Variants in GLA observed in about 807,000 individuals in gnomAD.
GLA encodes alpha-galactosidase A.
Under a neutral mutation model 28.2 loss-of-function variants are expected in GLA, and 4 were observed. That is an observed-to-expected ratio of 0.14 (90% CI 0.07 to 0.32). The LOEUF (loss-of-function observed/expected upper bound fraction) is 0.32. Among genes scored for constraint, GLA ranks in the 10% least tolerant of loss-of-function variants. The pLI is 1.00. For synonymous variants in GLA, 94 were observed against 113.0 expected (o/e 0.83, Z 1.07); for missense variants, 203 against 323.7 (o/e 0.63, Z 2.86).
chrX:101,397,820 CTT>C lies in GLA; in HGVS notation c.1277_1278del (p.Lys426ArgfsTer?), dbSNP rs869312249. ...ATAAAATAAACATTTTAAAGTAAGT[CTT>C]TTAATGACATCTGCATTGTATTTTC... The part of the protein sequence containing the change: ...QLENTMQMSL[K>X]DLL On this transcript the variant is annotated frameshift_variant, in exon 7 of 7. Transcript: ENST00000218516. LOFTEE classifies it high-confidence loss of function. 1 of 1,200,308 alleles carries C rather than the reference CTT, an allele frequency of 8.3e-7. No homozygotes were observed. Among genetic ancestry groups the C allele is most frequent in the Non-Finnish European group, 1.1e-6 (1 of 884,884 alleles).
chrX:101,401,941 A>AAG, intron 2 of GLA, 132 bp from the exon 3 acceptor site: 1 of 595,212 alleles, frequency 1.7e-6, no homozygotes, highest in Non-Finnish European at 2.9e-6. Context: ...TTCCCCACAA[A>AAG]CCCCCAAAAT....
intron 4 of GLA, 74 bp from the exon 5 acceptor site, chrX:101,399,020 G>A (rs1014176420): frequency 1.1e-6 from 1 of 897,673 alleles, no homozygotes; most frequent in African/African-American, 2.0e-5. Flanking sequence ...TTTAAAGGAG[G>A]CACTTGTAGC....
intron 1 of GLA, among the ~76,000 whole-genome samples, chrX:101,405,332 G>C (rs1344109519): frequency 9.0e-6 from 1 of 110,554 alleles, no homozygotes; most frequent in Non-Finnish European, 1.9e-5. Flanking sequence ...ATTAAACAAA[G>C]TTTCGAAAGA....
intron 1 of GLA, among the ~76,000 whole-genome samples, chrX:101,406,040 TAAAA>T (rs34454314): frequency 2.3e-5 from 1 of 42,557 alleles, no homozygotes; most frequent in Non-Finnish European, 4.2e-5. Flanking sequence ...CCGTCTGTAC[TAAAA>T]AAAAAAAAAA....
chrX:101,401,896 A>C, intron 2 of GLA, 87 bp from the exon 3 acceptor site: 1 of 887,973 alleles, frequency 1.1e-6, no homozygotes. Context: ...GGCTGGGGGA[A>C]GAGACAAGGT....
chrX:101,399,422 A>G lies in GLA; in HGVS notation c.640-476T>C, dbSNP rs372322396. On this transcript the variant is annotated intron_variant, in intron 4 of 6. Coordinates refer to ENST00000218516, the MANE Select transcript of GLA (RefSeq NM_000169.3). The stretch of plus-strand genomic sequence containing the variant: ...TCTACTAAAAATACAAAAATTAGCC[A>G]GATGTGGTAGCGCACGCCTATAATC... Among the ~76,000 whole-genome samples, 22 of 111,932 alleles carry G rather than the reference A, an allele frequency of 2.0e-4. No individual in the cohort carries two copies. In the East Asian group the frequency reaches 3.9e-3, roughly 20 times the overall value.
chrX:101,398,385 C>T lies in GLA; in HGVS notation c.984G>A (p.Gly328=), dbSNP rs376623208. The T allele has an allele frequency of 8.3e-7, 1 of 1,203,789 alleles. No individual in the cohort carries two copies. The highest frequency in any genetic ancestry group is 3.0e-5 in the East Asian group (1 of 33,812). The change falls in exon 6 of 7, where the codon GGG becomes GGA. Residue 328 remains glycine, a synonymous_variant. Coordinates refer to ENST00000218516, the MANE Select transcript of GLA (RefSeq NM_000169.3). ...TCTTATTTACCTGTCTAAGCTGGTA[C>T]CCTTGCTTGCCCAAGGGGTCCTGAT... The part of the protein sequence containing the change: ...AINQDPLGKQ[G]YQLRQGDNFE...
At position 101,399,002 on chromosome X, in the gene GLA, G is replaced by T. The variant is rs1603039431; in HGVS notation, c.640-56C>A. The T allele has an allele frequency of 2.4e-5, 25 of 1,062,234 alleles. No individual in the cohort carries two copies. In the East Asian group the frequency reaches 7.5e-4, roughly 32 times the overall value. 87.5% of individuals were successfully genotyped at this position (1,062,234 alleles called of 1,213,427 possible). A position where few individuals can be genotyped will look rare whatever the true frequency, so the allele number is the denominator to read the frequency against. On this transcript the variant is annotated intron_variant, in intron 4 of 6. Transcript: ENST00000218516. ...CTTTCTACTAACATCCTTGTGAGATGAAAACAGTTTAAAGGAGGCACTTGT... is the reference window on the plus strand; with the variant it reads ...CTTTCTACTAACATCCTTGTGAGATTAAAACAGTTTAAAGGAGGCACTTGT...
At chrX:101,401,413 C>T (rs1928309803) in intron 3 of GLA, 5 of 448,931 alleles carry the variant, frequency 1.1e-5, no homozygotes, top group African/African-American at 7.4e-5. Flanking sequence ...ATTATAAGTG[C>T]ACAATATTAG....
At chrX:101,401,276 G>A (rs189961678) in intron 3 of GLA, 10 of 277,539 alleles carry the variant, frequency 3.6e-5, no homozygotes, top group African/African-American at 2.2e-4. Flanking sequence ...GTGCAGAGAT[G>A]GTGTGTATAT....
chrX:101,398,799 T>A lies in GLA; in HGVS notation c.787A>T (p.Asn263Tyr). ...IVDVAGPGGW[N>Y]DPDMLVIGNF... ...CAAGTTTTTACCATATCTGGGTCAT[T>A]CCAACCCCCTGGTCCAGCAACATCA... The change falls in exon 5 of 7, where the codon AAT becomes TAT. Residue 263 changes from asparagine to tyrosine, a missense_variant. By Grantham distance (143) the Asn-to-Tyr change is moderately radical. Transcript: ENST00000218516. The A allele has an allele frequency of 8.3e-7, 1 of 1,211,047 alleles. No individual in the cohort carries two copies.
At chrX:101,404,092 A>G in intron 1 of GLA, 107 bp from the exon 2 acceptor site, 1 of 652,838 alleles carries the variant, frequency 1.5e-6, no homozygotes, top group Non-Finnish European at 2.5e-6. Flanking sequence ...ACCCAGTAAT[A>G]GTGTGGTAGT....
chrX:101,398,902 A>G lies in GLA; in HGVS notation c.684T>C (p.Asn228=). Residue 228 remains asparagine, a synonymous_variant, in exon 5 of 7, where the codon AAT becomes AAC. Transcript: ENST00000218516. ...EIRQYCNHWR[N]FADIDDSWKS... ...TCCAGGAATCATCAATGTCAGCAAA[A>G]TTTCGCCAGTGATTGCAGTACTGTC... 1 of 1,208,283 alleles carries G rather than the reference A, an allele frequency of 8.3e-7. No individual in the cohort carries two copies. Among genetic ancestry groups the G allele is most frequent in the South Asian group, 1.8e-5 (1 of 56,892 alleles).
rs1060500749 is a variant in GLA, at chrX:101,397,843, T to A, written c.1256A>T (p.Asn419Ile). 2 of 1,207,163 alleles carry A rather than the reference T, an allele frequency of 1.7e-6. No individual in the cohort carries two copies. The highest frequency in any genetic ancestry group is 2.2e-6 in the Non-Finnish European group (2 of 891,948). The change falls in exon 7 of 7, where the codon AAT becomes ATT. Residue 419 changes from asparagine (N) to isoleucine (I), a missense_variant. Physicochemically the swap from Asn to Ile is moderately radical, Grantham distance 149. Transcript: ENST00000218516. ...PTGTVLLQLE[N>I]TMQMSLKDLL The stretch of plus-strand genomic sequence containing the variant: ...GTCTTTTAATGACATCTGCATTGTA[T>A]TTTCTAGCTGAAGCAAAACAGTGCC...
intron 4 of GLA, among the ~76,000 whole-genome samples, chrX:101,400,295 A>G (rs1356194761): frequency 2.7e-5 from 3 of 111,109 alleles, no homozygotes; most frequent in Non-Finnish European, 5.7e-5. Flanking sequence ...GACAGAGTGG[A>G]AGCAGAGAGA....
At chrX:101,404,062 G>A in intron 1 of GLA, 77 bp from the exon 2 acceptor site, 5 of 934,742 alleles carry the variant, frequency 5.3e-6, no homozygotes, top group Non-Finnish European at 7.7e-6. Context: ...AGGCACCTTG[G>A]GATTTCACAA....
rs104894844 is a variant in GLA, at chrX:101,397,907, C to T, written c.1192G>A (p.Glu398Lys). 2 of 1,208,030 alleles carry T rather than the reference C, an allele frequency of 1.7e-6. No homozygotes were observed. Among genetic ancestry groups the T allele is most frequent in the Non-Finnish European group, 2.2e-6 (2 of 892,675 alleles). Residue 398 changes from glutamate to lysine, a missense_variant, in exon 7 of 7, where the codon GAA (glutamate) becomes AAA (lysine). Glu to Lys is a moderately conservative substitution (Grantham distance 56). Coordinates refer to ENST00000218516, the MANE Select transcript of GLA (RefSeq NM_000169.3). ...LPVKRKLGFY[E>K]WTSRLRSHIN... ...TGACTTCTTAACCTTGAAGTCCATT[C>T]ATAGAACCCTAGCTTCCTTTTCACA... is the stretch of plus-strand genomic sequence containing the variant.
At position 101,400,792 on chromosome X, in the gene GLA, G is replaced by T. The variant is rs782689542; in HGVS notation, c.548-35C>A. 10 of 740,640 alleles carry T rather than the reference G, an allele frequency of 1.4e-5. No individual in the cohort carries two copies. The East Asian group carries it at 1.9e-4, about 14-fold the overall frequency. 61.0% of individuals were successfully genotyped at this position (740,640 alleles called of 1,213,427 possible). A position where few individuals can be genotyped will look rare whatever the true frequency, so the allele number is the denominator to read the frequency against. ...AAAACAATGGGTAAAATAAGGGAAA[G>T]AAATGAATTTCCAGCTGGGGCTATA... On this transcript the variant is annotated intron_variant, in intron 3 of 6. Coordinates refer to ENST00000218516, the MANE Select transcript of GLA (RefSeq NM_000169.3).
At position 101,398,538 on chromosome X, in the gene GLA, C is replaced by G. The variant is rs782196174; in HGVS notation, c.831G>C (p.Trp277Cys). The change falls in exon 6 of 7, where the codon TGG (tryptophan) becomes TGC (cysteine). Residue 277 changes from tryptophan to cysteine, a missense_variant. Trp to Cys is a radical substitution (Grantham distance 215). Around this residue, in one of 3 missense-constraint regions of GLA, gnomAD observed 162 missense variants for 246.8 expected, o/e 0.66. Transcript: ENST00000218516. ...MLVIGNFGLSWNQQVTQMALW... is the reference protein window; with the variant it reads ...MLVIGNFGLSCNQQVTQMALW... The stretch of plus-strand genomic sequence containing the variant: ...GGGCCATCTGAGTTACTTGCTGATT[C>G]CAGCTGAGGCCAAAGTTGCCAATCA... 117 of 1,203,632 alleles carry G rather than the reference C, an allele frequency of 9.7e-5. No individual in the cohort carries two copies. The highest frequency in any genetic ancestry group is 1.3e-4 in the Non-Finnish European group (117 of 889,865).
Sources: allele counts gnomAD v4.1 joint callset (sites outside exome capture counted in the v4.1 genomes callset), GRCh38; gene constraint gnomAD v4.1.1; regional missense constraint gnomAD v4.1.1; transcripts MANE v1.5; gene names NCBI Gene and HGNC (gene_info 2026-07-23, HGNC 2026-07-21).